Variants in TRDN observed in about 807,000 individuals in gnomAD.
TRDN encodes the protein triadin in skeletal muscle.
In TRDN, 161 loss-of-function variants were observed where a neutral mutation model predicts 149.7. That is an observed-to-expected ratio of 1.08 (90% CI 0.95 to 1.23). The LOEUF is 1.23. TRDN is among the 50% of genes most tolerant of loss of function. The pLI, the probability that TRDN is intolerant of heterozygous loss-of-function variation, is 0.00. For synonymous variants in TRDN, 294 were observed against 250.5 expected, an observed-to-expected ratio of 1.17 and a Z score of -1.64; for missense variants, 896 against 823.5, an observed-to-expected ratio of 1.09 and a Z score of -1.08.
In TRDN at chr6:123,592,504, G is replaced by A. The variant is rs141274904; in HGVS notation, c.23-21372C>T. ...GGGGTCAATGCAGGGTGGACTCTAG[G>A]CATTGGGACTGTCAGTATTACAAGG... On this transcript the variant is annotated intron_variant, in intron 1 of 40. Coordinates refer to ENST00000334268, the MANE Select transcript of TRDN (RefSeq NM_006073.4). Among the ~76,000 whole-genome samples, 1,127 of 152,178 alleles carry A rather than the reference G, an allele frequency of 7.4e-3. 25 individuals carry two copies. The highest frequency in any genetic ancestry group is 0.026 in the African/African-American group (1,060 of 41,510).
chr6:123,250,058 A>G (rs1210402628), intron 38 of TRDN, among the ~76,000 whole-genome samples: 1 of 152,140 alleles, frequency 6.6e-6, no homozygotes, highest in Non-Finnish European at 1.5e-5. Context: ...CCAATAATGA[A>G]CTAGCTGAAG....
chr6:123,571,417 ACTT>A (rs1475406801), intron 1 of TRDN, among the ~76,000 whole-genome samples: 1 of 151,990 alleles, frequency 6.6e-6, no homozygotes, highest in Admixed American at 6.6e-5. Flanking sequence ...AATGGATAAA[ACTT>A]CTTCTGAATA....
intron 2 of TRDN, among the ~76,000 whole-genome samples, chr6:123,549,154 T>C (rs1781264795): frequency 6.6e-6 from 1 of 152,066 alleles, no homozygotes; most frequent in South Asian, 2.1e-4. Flanking sequence ...TGGAATAGGT[T>C]GGATTTATCT....
intron 8 of TRDN, chr6:123,502,471 GA>G (rs1231549435): frequency 1.2e-6 from 1 of 808,470 alleles, no homozygotes; most frequent in South Asian, 5.6e-5. Context: ...ACTAAAAAAA[GA>G]AAAAATCTTT....
chr6:123,316,623 T>A, intron 23 of TRDN, 128 bp from the exon 24 acceptor site: 1 of 680,504 alleles, frequency 1.5e-6, no homozygotes, highest in South Asian at 2.0e-5. Context: ...TCAATTTCAA[T>A]TATAGTTATA....
chr6:123,274,126 T>A (rs891721680), intron 27 of TRDN, among the ~76,000 whole-genome samples: 3 of 152,238 alleles, frequency 2.0e-5, no homozygotes, highest in East Asian at 3.9e-4. Flanking sequence ...ATATTAAGTA[T>A]AGGTAATAAT....
intron 24 of TRDN, among the ~76,000 whole-genome samples, chr6:123,294,056 T>C (rs1300864148): frequency 6.6e-6 from 1 of 152,152 alleles, no homozygotes; most frequent in Non-Finnish European, 1.5e-5. Context: ...TTAAAGGGAA[T>C]TCAAGTGTCC....
intron 12 of TRDN, among the ~76,000 whole-genome samples, chr6:123,396,874 G>A (rs1361441635): frequency 6.6e-6 from 1 of 152,056 alleles, no homozygotes; most frequent in African/African-American, 2.4e-5. Flanking sequence ...AATGTAAAGT[G>A]CAAATCCATT....
Position 123,438,950 on chromosome 6 carries a change from T to C in TRDN, c.985A>G (p.Lys329Glu). The part of the protein sequence containing the change: ...AEKKVTSETK[K>E]KEKEDIKKKS... ...TGGCTTTTAAATTTCCTACCTTTCT[T>C]TTTTGTTTCAGAAGTAACTTTCTTC... The change falls in exon 11 of 41, where the codon AAG becomes GAG. Residue 329 changes from lysine (K) to glutamate (E), a missense_variant. Lys to Glu is a moderately conservative substitution (Grantham distance 56). Transcript: ENST00000334268. 1 of 1,560,676 alleles carries C rather than the reference T, an allele frequency of 6.4e-7. No homozygotes were observed. Among genetic ancestry groups the C allele is most frequent in the East Asian group, 2.3e-5 (1 of 43,060 alleles).
intron 1 of TRDN, among the ~76,000 whole-genome samples, chr6:123,586,793 T>G (rs1783510636): frequency 5.4e-5 from 8 of 147,310 alleles, no homozygotes; most frequent in Non-Finnish European, 6.0e-5. Context: ...AAAGAGAGAG[T>G]AGAGACATGG....
chr6:123,470,073 T>C (rs1362008834), intron 9 of TRDN: 2 of 152,190 alleles, frequency 1.3e-5, no homozygotes, highest in Admixed American at 1.3e-4. Flanking sequence ...GTTGCACAGG[T>C]CTAGGGACTG....
chr6:123,380,540 A>G (rs748786046), intron 16 of TRDN, among the ~76,000 whole-genome samples: 9 of 152,172 alleles, frequency 5.9e-5, no homozygotes, highest in Non-Finnish European at 1.3e-4. Flanking sequence ...AGGGCATTTT[A>G]GAGCATTTTT....
intron 1 of TRDN, among the ~76,000 whole-genome samples, chr6:123,577,607 C>T (rs190043420): frequency 4.6e-5 from 7 of 152,130 alleles, no homozygotes; most frequent in Admixed American, 2.6e-4. Context: ...AAAACATTTG[C>T]ATGCATGTGT....
chr6:123,462,294 A>C (rs1490332962), intron 10 of TRDN: 1 of 152,226 alleles, frequency 6.6e-6, no homozygotes, highest in Non-Finnish European at 1.5e-5. Context: ...GAAAGGCAAG[A>C]CCAATTTCAA....
At chr6:123,476,614 C>A (rs1777488767) in intron 9 of TRDN, among the ~76,000 whole-genome samples, 1 of 147,772 alleles carries the variant, frequency 6.8e-6, no homozygotes, top group African/African-American at 2.5e-5. Flanking sequence ...CAATCCTAAG[C>A]CAAAAGAACA....
chr6:123,220,820 TTA>T (rs1775119605), intron 40 of TRDN, among the ~76,000 whole-genome samples: 1 of 151,814 alleles, frequency 6.6e-6, no homozygotes, highest in Non-Finnish European at 1.5e-5. Context: ...CAAACTTCAG[TTA>T]TACCTATTTC....
intron 1 of TRDN, among the ~76,000 whole-genome samples, chr6:123,578,132 T>G (rs762311914): frequency 2.6e-5 from 4 of 152,186 alleles, no homozygotes; most frequent in Non-Finnish European, 5.9e-5. Flanking sequence ...AGCTCTAAAG[T>G]TTAATTAGAT....
chr6:123,466,708 T>C (rs1160261593), intron 9 of TRDN, among the ~76,000 whole-genome samples: 2 of 152,078 alleles, frequency 1.3e-5, no homozygotes, highest in East Asian at 1.9e-4. Context: ...ACGGTGGTAT[T>C]TTGTAGCTTT....
intron 35 of TRDN, among the ~76,000 whole-genome samples, chr6:123,256,960 T>A (rs1776585683): frequency 6.9e-6 from 1 of 144,688 alleles, no homozygotes; most frequent in South Asian, 2.2e-4. Flanking sequence ...AGGTCTCACA[T>A]TTAAATCTTT....
Sources: allele counts gnomAD v4.1 joint callset (sites outside exome capture counted in the v4.1 genomes callset), GRCh38; gene constraint gnomAD v4.1.1; transcripts MANE v1.5; gene names NCBI Gene and HGNC (gene_info 2026-07-23, HGNC 2026-07-21).